Variants in KMT2A observed in about 807,000 individuals in gnomAD.
KMT2A encodes the protein lysine methyltransferase 2A.
In KMT2A, 16 loss-of-function variants were observed where a neutral mutation model predicts 345.3. That is an observed-to-expected ratio of 0.05 (90% CI 0.03 to 0.07). The LOEUF (loss-of-function observed/expected upper bound fraction) is 0.07. Ranked by LOEUF, KMT2A falls within the 10% of genes least tolerant of loss-of-function variation. The pLI, the probability that KMT2A is intolerant of heterozygous loss-of-function variation, is 1.00. For synonymous variants in KMT2A, 1,599 were observed against 1,778.6 expected, an observed-to-expected ratio of 0.90 and a Z score of 2.54; for missense variants, 3,272 against 4,841.6, an observed-to-expected ratio of 0.68 and a Z score of 9.62.
intron 31 of KMT2A, among the ~76,000 whole-genome samples, chr11:118,513,985 A>C (rs1950750298): frequency 1.3e-5 from 2 of 151,540 alleles, no homozygotes; most frequent in Admixed American, 1.3e-4. Context: ...TCTTGCTCAT[A>C]ATTTTTAAAA....
chr11:118,501,977 G>A lies in KMT2A; in HGVS notation c.6505+120G>A, dbSNP rs1167431879. The A allele has an allele frequency of 1.1e-5, 10 of 870,080 alleles. No homozygotes were observed. In the South Asian group the frequency reaches 1.7e-4, roughly 14 times the overall value. The allele number at this position is 870,080 out of a possible 1,614,324, so 53.9% of individuals were successfully genotyped here. The stretch of plus-strand genomic sequence containing the variant: ...GATTGAAAATGTAGATTCCGGGTGG[G>A]TGAGGTGGCTCATGCCTGTAATCCT... On this transcript the variant is annotated intron_variant, in intron 26 of 35. Coordinates refer to ENST00000534358, the MANE Select transcript of KMT2A (RefSeq NM_001197104.2).
rs1950503672 is a variant in KMT2A at position 118,501,719 on chromosome 11, C to T, written c.6367C>T (p.Pro2123Ser). ...AAACACAGCTGAAATTATAAGTCCT[C>T]CATCACCAGACCGACCTCCTCATTC... The part of the protein sequence containing the change: ...SQNTAEIISP[P>S]SPDRPPHSQT... The change falls in exon 26 of 36, where the codon CCA becomes TCA. Residue 2123 changes from proline to serine, a missense_variant. Pro to Ser is a moderately conservative substitution (Grantham distance 74). Coordinates refer to ENST00000534358, the MANE Select transcript of KMT2A (RefSeq NM_001197104.2). 2.5e-6 allele frequency: 4 copies of T among 1,613,944 alleles called. No individual in the cohort carries two copies. The highest frequency in any genetic ancestry group is 1.3e-5 in the African/African-American group (1 of 74,892).
chr11:118,496,553 T>C lies in KMT2A; in HGVS notation c.5664+186T>C, dbSNP rs1330006529. ...TTGTAACTTATTTTTTGTCACTTAG[T>C]TCATGGCACTTGGAGTTTTTTAATG... On this transcript the variant is annotated intron_variant, in intron 20 of 35. Coordinates refer to ENST00000534358, the MANE Select transcript of KMT2A (RefSeq NM_001197104.2). The surrounding 1 kb of genome is among the most constrained non-coding windows in gnomAD (Gnocchi z 4.7). Among the ~76,000 whole-genome samples the C allele has an allele frequency of 2.0e-5, 3 of 152,232 alleles. No individual in the cohort carries two copies. Among genetic ancestry groups the C allele is most frequent in the African/African-American group, 7.2e-5 (3 of 41,462 alleles).
At chr11:118,455,029 T>G (rs1949614816) in intron 1 of KMT2A, among the ~76,000 whole-genome samples, 1 of 151,978 alleles carries the variant, frequency 6.6e-6, no homozygotes, top group Non-Finnish European at 1.5e-5. Flanking sequence ...ATTGTCCTAG[T>G]GTCTTTTTTC....
chr11:118,447,538 G>A (rs1454012289), intron 1 of KMT2A: 16 of 289,336 alleles, frequency 5.5e-5, no homozygotes, highest in Non-Finnish European at 1.1e-4. Context: ...GCGATGTTAG[G>A]GTATCCTGAT....
intron 10 of KMT2A, 43 bp downstream of exon 10, chr11:118,485,018 T>G (rs1950205007): frequency 8.4e-7 from 1 of 1,186,192 alleles, no homozygotes; most frequent in Admixed American, 1.7e-5. Flanking sequence ...GTACATAAAT[T>G]ATTTTTCTGT....
chr11:118,499,752 C>G, intron 23 of KMT2A, 83 bp from the exon 24 acceptor site: 1 of 1,064,392 alleles, frequency 9.4e-7, no homozygotes, highest in South Asian at 1.3e-5. Context: ...TGCATTCCAG[C>G]CTGGGCGACA....
At chr11:118,459,105 C>T (rs1949700108) in intron 1 of KMT2A, among the ~76,000 whole-genome samples, 1 of 152,070 alleles carries the variant, frequency 6.6e-6, no homozygotes, top group Non-Finnish European at 1.5e-5. Context: ...GAGTCTTGCT[C>T]TGTTACCCAG....
chr11:118,454,808 C>T (rs1555030207), intron 1 of KMT2A, among the ~76,000 whole-genome samples: 2 of 151,704 alleles, frequency 1.3e-5, no homozygotes, highest in African/African-American at 4.8e-5. Flanking sequence ...TTCATGTACA[C>T]AAAATATTCT....
At chr11:118,471,433 G>T (rs1040987343) in intron 2 of KMT2A, among the ~76,000 whole-genome samples, 2 of 151,984 alleles carry the variant, frequency 1.3e-5, no homozygotes, top group Non-Finnish European at 2.9e-5. Flanking sequence ...TTATCTTTTT[G>T]TATCAAAAAA....
intron 1 of KMT2A, among the ~76,000 whole-genome samples, chr11:118,467,180 C>T (rs1949859524): frequency 6.6e-6 from 1 of 151,930 alleles, no homozygotes; most frequent in African/African-American, 2.4e-5. Context: ...AGTTTGAGAC[C>T]AACCTGCCCA....
In KMT2A at chr11:118,509,958, A is replaced by G; in HGVS notation, c.10911A>G (p.Thr3637=). 1 of 1,609,396 alleles carries G rather than the reference A, an allele frequency of 6.2e-7. No homozygotes were observed. Among genetic ancestry groups the G allele is most frequent in the Non-Finnish European group, 8.5e-7 (1 of 1,177,478 alleles). ...TTTTCTCCCTATTAGAACCTAAAAC[A>G]GTGGAAGAAGAGGAAAGTAATTTCA... ...ANEQESAEPK[T]VEEEESNFSS... The change falls in exon 30 of 36, where the codon ACA becomes ACG. Residue 3637 remains threonine, a synonymous_variant. Transcript: ENST00000534358.
chr11:118,510,136 G>C lies in KMT2A; in HGVS notation c.11071+18G>C, dbSNP rs1555049709. 6.3e-7 allele frequency: 1 copy of C among 1,578,652 alleles called. No individual in the cohort carries two copies. The highest frequency in any genetic ancestry group is 2.3e-5 in the East Asian group (1 of 43,894). ...TATTGAAGGTGAGTGGATTAAATCAGGTTGACCCATCAGCAGAAGCCCTGT... is the reference window on the plus strand; with the variant it reads ...TATTGAAGGTGAGTGGATTAAATCACGTTGACCCATCAGCAGAAGCCCTGT... On this transcript the variant is annotated intron_variant, in intron 30 of 35. Transcript: ENST00000534358. The surrounding 1 kb of genome is among the most constrained non-coding windows in gnomAD (Gnocchi z 4.1).
In KMT2A at chr11:118,458,135, G is replaced by T. The variant is rs574069002; in HGVS notation, c.433-10640G>T. ...ATCTCACTCTGTCACCCAGCCTGGAGTGCAGTGTCTCGATCACAGTTCACT... is the reference window on the plus strand; with the variant it reads ...ATCTCACTCTGTCACCCAGCCTGGATTGCAGTGTCTCGATCACAGTTCACT... On this transcript the variant is annotated intron_variant, in intron 1 of 35. Transcript: ENST00000534358. 12 of 369,100 alleles carry T rather than the reference G, an allele frequency of 3.3e-5. No individual in the cohort carries two copies. In the East Asian group the frequency reaches 1.3e-3, roughly 41 times the overall value. The allele number at this position is 369,100 out of a possible 1,614,324, so 22.9% of individuals were successfully genotyped here.
In KMT2A at chr11:118,503,679, T is replaced by A. The variant is rs781809969; in HGVS notation, c.7787T>A (p.Val2596Glu). ...SQSNNYQNLPVQDRNLMLPDG... is the reference protein window; with the variant it reads ...SQSNNYQNLPEQDRNLMLPDG... ...AGTAACAACTATCAGAATCTTCCAGTACAGGACAGAAACCTAATGCTTCCA... is the reference window on the plus strand; with the variant it reads ...AGTAACAACTATCAGAATCTTCCAGAACAGGACAGAAACCTAATGCTTCCA... Residue 2596 changes from valine to glutamate, a missense_variant, in exon 27 of 36, where the codon GTA becomes GAA. Coordinates refer to ENST00000534358, the MANE Select transcript of KMT2A (RefSeq NM_001197104.2). This position sits in a 1 kb window ranked among gnomAD's most constrained non-coding sequence, Gnocchi z 5.3. The A allele has an allele frequency of 6.2e-7, 1 of 1,614,194 alleles. No individual in the cohort carries two copies. The highest frequency in any genetic ancestry group is 1.3e-5 in the African/African-American group (1 of 75,056).
Position 118,496,190 on chromosome 11 carries a change from TGAAA to T in KMT2A, c.5558-70_5558-67del. On this transcript the variant is annotated intron_variant, in intron 19 of 35. Coordinates refer to ENST00000534358, the MANE Select transcript of KMT2A (RefSeq NM_001197104.2). This position sits in a 1 kb window ranked among gnomAD's most constrained non-coding sequence, Gnocchi z 4.7. ...TAAGCTGAATTATTTCTTTTTTCCT[TGAAA>T]TCAGACATAGTATTGCCAATTTTAA... 8.8e-7 allele frequency: 1 copy of T among 1,135,340 alleles called. No homozygotes were observed. The highest frequency in any genetic ancestry group is 1.8e-5 in the Admixed American group (1 of 55,504). The allele number at this position is 1,135,340 out of a possible 1,614,324, so 70.3% of individuals were successfully genotyped here.
At chr11:118,482,874 A>T (rs1950160931) in intron 8 of KMT2A, among the ~76,000 whole-genome samples, 1 of 152,118 alleles carries the variant, frequency 6.6e-6, no homozygotes, top group Admixed American at 6.5e-5. Flanking sequence ...TCAAGGCTGT[A>T]GTGAGCTATG....
rs547507729 is a variant in KMT2A, at chr11:118,496,389, G to A, written c.5664+22G>A. On this transcript the variant is annotated intron_variant, in intron 20 of 35. Transcript: ENST00000534358. The surrounding 1 kb of genome is among the most constrained non-coding windows in gnomAD (Gnocchi z 4.7). ...TAATGTAAGTACTTTGCAACACAGG[G>A]CCCTAGTTAATACATACTCCAAAAG... 2 of 1,532,610 alleles carry A rather than the reference G, an allele frequency of 1.3e-6. No homozygotes were observed. Among genetic ancestry groups the A allele is most frequent in the Non-Finnish European group, 1.8e-6 (2 of 1,106,026 alleles). 94.9% of individuals were successfully genotyped at this position (1,532,610 alleles called of 1,614,324 possible).
intron 10 of KMT2A, among the ~76,000 whole-genome samples, chr11:118,488,257 GT>G (rs1950263326): frequency 6.6e-6 from 1 of 152,092 alleles, no homozygotes. Flanking sequence ...CCTTACAACT[GT>G]TTCGTATATT....
Sources: gnomAD v4.1 joint callset for allele counts (sites outside exome capture counted in the v4.1 genomes callset) on GRCh38, gnomAD v4.1.1 for gene constraint, Gnocchi (gnomAD v3.1) non-coding constraint, MANE v1.5 for transcripts, NCBI Gene and HGNC (gene_info 2026-07-23, HGNC 2026-07-21) for gene names.